The following BACH1 variants were observed in gnomAD, a reference collection of about 807,000 sequenced individuals.
BACH1 encodes BTB domain and CNC homolog 1, also known as transcription regulator protein BACH1.
BACH1 carries 35 observed loss-of-function variants against 52.9 expected under a neutral mutation model. The observed-to-expected ratio is 0.66, with a 90% CI of 0.51 to 0.88. BACH1 has a LOEUF of 0.88. BACH1 is among the 40% of genes least tolerant of loss of function. The pLI is 0.00. For synonymous variants in BACH1, 321 were observed against 319.6 expected, an observed-to-expected ratio of 1.00 and a Z score of -0.05; for missense variants, 808 against 872.6, an observed-to-expected ratio of 0.93 and a Z score of 0.93.
intron 2 of BACH1, 75 bp from the exon 3 acceptor site, chr21:29,325,984 T>C (rs2088905859): frequency 2.2e-6 from 3 of 1,391,700 alleles, no homozygotes; most frequent in Non-Finnish European, 9.6e-7. Flanking sequence ...TCTCTATTCC[T>C]CTTCTACTTA....
At chr21:29,346,651 C>T (rs1601372765), downstream of BACH1, among the ~76,000 whole-genome samples, 2 of 152,104 alleles carry the variant, frequency 1.3e-5, no homozygotes, top group Non-Finnish European at 2.9e-5. Flanking sequence ...GGGGCAGAGG[C>T]CAGGACAGCC....
chr21:29,334,081 G>T lies in BACH1; in HGVS notation c.1776+4388G>T, dbSNP rs572034784. 6.5e-4 allele frequency among the ~76,000 whole-genome samples: 99 copies of T among 151,324 alleles called. 1 individual carries two copies. In the South Asian group the frequency reaches 0.014, roughly 22 times the overall value. The stretch of plus-strand genomic sequence containing the variant: ...TGCATAAGCCAGTAACATGACTTTG[G>T]TTTTTTTTGTTATTTTTTTTATTTT... On this transcript the variant is annotated intron_variant, in intron 4 of 4. Transcript: ENST00000286800.
intron 1 of BACH1, among the ~76,000 whole-genome samples, chr21:29,309,486 G>T (rs1387631642): frequency 6.6e-6 from 1 of 152,068 alleles, no homozygotes; most frequent in African/African-American, 2.4e-5. Flanking sequence ...GTAATATTTG[G>T]ACCTGGGAGC....
intron 4 of BACH1, among the ~76,000 whole-genome samples, chr21:29,340,463 A>T (rs2089098340): frequency 1.3e-5 from 2 of 152,130 alleles, no homozygotes; most frequent in Non-Finnish European, 2.9e-5. Context: ...GTATTTAAAG[A>T]TCATGTGGAT....
intron 2 of BACH1, among the ~76,000 whole-genome samples, chr21:29,355,546 C>T (rs2082448960): frequency 6.6e-6 from 1 of 152,150 alleles, no homozygotes; most frequent in African/African-American, 2.4e-5. Context: ...TGGATAGAGG[C>T]AAAGAAGGGT....
chr21:29,351,354 G>A (rs992754097), intron 2 of BACH1, among the ~76,000 whole-genome samples: 2 of 152,126 alleles, frequency 1.3e-5, no homozygotes, highest in African/African-American at 4.8e-5. Context: ...TACCTATTTG[G>A]TCCACCTCAG....
At chr21:29,314,127 A>G (rs1320022759) in intron 1 of BACH1, among the ~76,000 whole-genome samples, 2 of 152,350 alleles carry the variant, frequency 1.3e-5, no homozygotes, top group East Asian at 3.9e-4. Flanking sequence ...ATCAAGTAGC[A>G]GCCAAATATG....
intron 1 of BACH1, among the ~76,000 whole-genome samples, chr21:29,304,826 T>G (rs1302618413): frequency 6.6e-6 from 1 of 152,212 alleles, no homozygotes; most frequent in Admixed American, 6.5e-5. Context: ...GCTTATTGCC[T>G]TATTCATTTT....
chr21:29,349,011 G>A (rs1004921241), downstream of BACH1, among the ~76,000 whole-genome samples: 8 of 151,740 alleles, frequency 5.3e-5, no homozygotes, highest in African/African-American at 1.5e-4. Context: ...GGAGAATGGC[G>A]TGAACCCAGG....
At chr21:29,355,101 A>C (rs1383059094) in intron 2 of BACH1, among the ~76,000 whole-genome samples, 1 of 152,216 alleles carries the variant, frequency 6.6e-6, no homozygotes, top group Non-Finnish European at 1.5e-5. Flanking sequence ...GCCAGCTTTT[A>C]TTCCCTTATT....
intron 1 of BACH1, among the ~76,000 whole-genome samples, chr21:29,312,540 A>G (rs987215623): frequency 3.9e-5 from 6 of 152,218 alleles, no homozygotes; most frequent in African/African-American, 9.7e-5. Flanking sequence ...ACAAACAGCT[A>G]TCCGAACTAG....
downstream of BACH1, among the ~76,000 whole-genome samples, chr21:29,348,748 T>G (rs966211108): frequency 1.3e-5 from 2 of 152,148 alleles, no homozygotes; most frequent in African/African-American, 4.8e-5. Flanking sequence ...TGAGCCAGAA[T>G]GCATGTTTAG....
chr21:29,316,320 G>A (rs903764641), intron 1 of BACH1, among the ~76,000 whole-genome samples: 2 of 152,186 alleles, frequency 1.3e-5, no homozygotes, highest in East Asian at 1.9e-4. Flanking sequence ...TCAGCAGAGA[G>A]CAGAAGTTAT....
intron 4 of BACH1, among the ~76,000 whole-genome samples, chr21:29,338,689 T>A (rs2089074366): frequency 6.6e-6 from 1 of 152,222 alleles, no homozygotes; most frequent in Non-Finnish European, 1.5e-5. Flanking sequence ...ATTTGTTTTA[T>A]TTTGAATGTA....
rs1440367559 is a variant in BACH1, at chr21:29,326,325, T to A, written c.501T>A (p.Thr167=). 1.9e-5 allele frequency: 31 copies of A among 1,614,036 alleles called. No homozygotes were observed. The highest frequency in any genetic ancestry group is 1.6e-4 in the Middle Eastern group (1 of 6,084). Residue 167 remains threonine, a synonymous_variant, in exon 3 of 5, where the codon ACT becomes ACA. Transcript: ENST00000286800. The part of the protein sequence containing the change: ...LSLLDQRDLE[T]DEVEEFLENK... Reference sequence around the variant, plus strand: ...TTTTGGACCAGAGGGATCTAGAAACTGATGAAGTGGAGGAATTTCTGGAAA... The same window carrying A: ...TTTTGGACCAGAGGGATCTAGAAACAGATGAAGTGGAGGAATTTCTGGAAA...
At position 29,326,328 on chromosome 21, in the gene BACH1, T is replaced by A; in HGVS notation, c.504T>A (p.Asp168Glu). Residue 168 changes from aspartate to glutamate, a missense_variant, in exon 3 of 5, where the codon GAT (aspartate) becomes GAA (glutamate). Asp to Glu is a conservative substitution (Grantham distance 45). Coordinates refer to ENST00000286800, the MANE Select transcript of BACH1 (RefSeq NM_001186.4). The part of the protein sequence containing the change: ...SLLDQRDLET[D>E]EVEEFLENKN... ...TGGACCAGAGGGATCTAGAAACTGA[T>A]GAAGTGGAGGAATTTCTGGAAAATA... 2 of 1,614,188 alleles carry A rather than the reference T, an allele frequency of 1.2e-6. No homozygotes were observed. The highest frequency in any genetic ancestry group is 1.3e-5 in the African/African-American group (1 of 75,040).
Position 29,358,470 on chromosome 21 carries a change from C to T in BACH1, c.472+28777C>T, listed in dbSNP as rs539379132. ...GAAATATAAAAAGTGGGCTGGGCGC[C>T]GTGGCTCACGCCTGTAATCCCAGCA... On this transcript the variant is annotated intron_variant, in intron 2 of 4. Coordinates refer to the BACH1 transcript ENST00000422809. 1.2e-4 allele frequency among the ~76,000 whole-genome samples: 19 copies of T among 152,226 alleles called. 1 individual carries two copies. Among genetic ancestry groups the T allele is most frequent in the South Asian group, 1.2e-3 (6 of 4,830 alleles).
chr21:29,304,118 GTTTTTTTTTTCTTTTT>G (rs949006821), intron 1 of BACH1, among the ~76,000 whole-genome samples: 1 of 146,178 alleles, frequency 6.8e-6, no homozygotes, highest in Non-Finnish European at 1.5e-5. Context: ...GTTATTCCCA[GTTTTTTTTTTCTTTTT>G]TTTTTTTTTG....
rs1330529579 is a variant in BACH1, at chr21:29,345,338, A to G, written c.*2505A>G. 1 of 152,486 alleles carries G rather than the reference A, an allele frequency of 6.6e-6. No individual in the cohort carries two copies. The highest frequency in any genetic ancestry group is 2.1e-4 in the South Asian group (1 of 4,834). 9.4% of individuals were successfully genotyped at this position (152,486 alleles called of 1,614,324 possible). A position where few individuals can be genotyped will look rare whatever the true frequency, so the allele number is the denominator to read the frequency against. On this transcript the variant is annotated 3_prime_UTR_variant, in exon 5 of 5. Transcript: ENST00000286800. ...GAAGACAAATGACAGGATTATGAGT[A>G]TACAGTGTATGCCTTTTCCTTCATG...
Sources: allele counts gnomAD v4.1 joint callset (sites outside exome capture counted in the v4.1 genomes callset), GRCh38; gene constraint gnomAD v4.1.1; transcripts MANE v1.5; gene names NCBI Gene and HGNC (gene_info 2026-07-23, HGNC 2026-07-21).